The following CENPH variants were observed in gnomAD, a reference collection of about 807,000 sequenced individuals.
The protein encoded by CENPH is CENP-H.
In CENPH, 40 loss-of-function variants were observed where a neutral mutation model predicts 42.9. That is an observed-to-expected ratio of 0.93 (90% confidence interval 0.72 to 1.21). The LOEUF (loss-of-function observed/expected upper bound fraction) is 1.21. CENPH is among the 50% of genes most tolerant of loss of function. CENPH has a pLI of 0.00. For synonymous variants in CENPH, 88 were observed against 96.5 expected (o/e 0.91, Z 0.52); for missense variants, 302 against 292.9 (o/e 1.03, Z -0.23).
intron 2 of CENPH, among the ~76,000 whole-genome samples, chr5:69,194,199 C>T (rs548631211): frequency 9.2e-5 from 14 of 152,014 alleles, no homozygotes; most frequent in South Asian, 4.1e-4. Flanking sequence ...CACTCAGCCA[C>T]CCAGGCTGGA....
At chr5:69,199,790 T>A (rs1421233966) in intron 5 of CENPH, among the ~76,000 whole-genome samples, 1 of 152,086 alleles carries the variant, frequency 6.6e-6, no homozygotes, top group East Asian at 1.9e-4. Flanking sequence ...TGTGGGACAA[T>A]TGGGCCAGTT....
intron 1 of CENPH, among the ~76,000 whole-genome samples, chr5:69,190,484 G>A (rs769959908): frequency 2.0e-5 from 3 of 151,888 alleles, no homozygotes; most frequent in Non-Finnish European, 4.4e-5. Context: ...AGCTAAAACA[G>A]AGACCGTGTG....
chr5:69,191,812 A>G lies in CENPH; in HGVS notation c.152A>G (p.Lys51Arg), dbSNP rs754403403. 6.4e-7 allele frequency: 1 copy of G among 1,554,266 alleles called. No individual in the cohort carries two copies. The highest frequency in any genetic ancestry group is 1.1e-5 in the South Asian group (1 of 89,714). ...TLLLRLRAQT[K>R]QQLLEYKSMV... is the part of the protein sequence containing the mutation. ...GTTTTCAGGCTGAGAGCACAGACAA[A>G]ACAACAACTCTTAGAATATAAATCA... The change falls in exon 2 of 9, where the codon AAA becomes AGA. Residue 51 changes from lysine to arginine, a missense_variant. By Grantham distance (26) the Lys-to-Arg change is conservative. Transcript: ENST00000283006.
chr5:69,203,993 TAG>T (rs201121049), intron 7 of CENPH, among the ~76,000 whole-genome samples: 1 of 121,580 alleles, frequency 8.2e-6, no homozygotes, highest in Admixed American at 9.6e-5. Context: ...TATATATATA[TAG>T]AGAGAGAATT....
At chr5:69,201,635 G>C (rs1331287502) in intron 5 of CENPH, among the ~76,000 whole-genome samples, 1 of 152,156 alleles carries the variant, frequency 6.6e-6, no homozygotes, top group African/African-American at 2.4e-5. Context: ...GAAGAGGGAG[G>C]ATTGCTTCAA....
At chr5:69,207,333 C>T (rs1748176134) in intron 7 of CENPH, among the ~76,000 whole-genome samples, 1 of 151,870 alleles carries the variant, frequency 6.6e-6, no homozygotes, top group East Asian at 2.0e-4. Flanking sequence ...GGATTATAGG[C>T]ACATGTCACC....
chr5:69,199,822 A>G (rs1423426020), intron 5 of CENPH, among the ~76,000 whole-genome samples: 1 of 152,154 alleles, frequency 6.6e-6, no homozygotes, highest in Non-Finnish European at 1.5e-5. Flanking sequence ...ACCAAAAAAC[A>G]GAAGGGTCAG....
Position 69,194,918 on chromosome 5 carries a change from C to CT in CENPH, c.239+241dup, listed in dbSNP as rs869047885. Among the ~76,000 whole-genome samples the CT allele has an allele frequency of 7.3e-3, 997 of 135,994 alleles. 8 individuals carry two copies. Among genetic ancestry groups the CT allele is most frequent in the African/African-American group, 0.015 (569 of 37,330 alleles). The allele number at this position is 135,994 out of a possible 152,430, so 89.2% of individuals were successfully genotyped here. A position where few individuals can be genotyped will look rare whatever the true frequency, so the allele number is the denominator to read the frequency against. On this transcript the variant is annotated intron_variant, in intron 3 of 8. Coordinates refer to ENST00000283006, the MANE Select transcript of CENPH (RefSeq NM_022909.4). The stretch of plus-strand genomic sequence containing the variant: ...CATTGTACCACACCTGACTTTCTTT[C>CT]TTTTTTTTTTTTTTTTTTAAATATT...
In CENPH at chr5:69,191,811, A is replaced by G. The variant is rs1747876198; in HGVS notation, c.151A>G (p.Lys51Glu). 6.4e-7 allele frequency: 1 copy of G among 1,554,566 alleles called. No individual in the cohort carries two copies. ...TLLLRLRAQTKQQLLEYKSMV... is the reference protein window; with the variant it reads ...TLLLRLRAQTEQQLLEYKSMV... ...TGTTTTCAGGCTGAGAGCACAGACA[A>G]AACAACAACTCTTAGAATATAAATC... The change falls in exon 2 of 9, where the codon AAA becomes GAA. Residue 51 changes from lysine to glutamate, a missense_variant. By Grantham distance (56) the Lys-to-Glu change is moderately conservative. Transcript: ENST00000283006.
At chr5:69,197,962 C>G (rs1202988138) in intron 5 of CENPH, among the ~76,000 whole-genome samples, 1 of 135,264 alleles carries the variant, frequency 7.4e-6, no homozygotes, top group African/African-American at 2.8e-5. Flanking sequence ...GCTCTGTCGC[C>G]CAGGCCGGAG....
intron 4 of CENPH, among the ~76,000 whole-genome samples, chr5:69,196,782 G>A (rs1405228502): frequency 6.6e-6 from 1 of 152,182 alleles, no homozygotes; most frequent in Non-Finnish European, 1.5e-5. Flanking sequence ...AGATGGTTCA[G>A]AGAACTCATT....
chr5:69,200,133 A>C (rs1017091134), intron 5 of CENPH, among the ~76,000 whole-genome samples: 29 of 150,924 alleles, frequency 1.9e-4, no homozygotes, highest in Admixed American at 5.3e-4. Flanking sequence ...AAAAAAAAAA[A>C]CAGAAAGGTC....
chr5:69,199,266 C>T (rs1748017259), intron 5 of CENPH, among the ~76,000 whole-genome samples: 1 of 152,174 alleles, frequency 6.6e-6, no homozygotes, highest in Admixed American at 6.5e-5. Context: ...ACCACCTTCA[C>T]CTCCCAGGTT....
In CENPH at chr5:69,189,751, C is replaced by T. The variant is rs1747832586; in HGVS notation, c.117C>T (p.Arg39=). ...CCCAGGCGGCGTGCAGCGAGGACCG[C>T]ATGACCCTGCTCCTCAGGTTGTTCC... ...AGAQAACSED[R]MTLLLRLRAQ... Residue 39 remains arginine (R), a synonymous_variant, in exon 1 of 9, where the codon CGC becomes CGT. Transcript: ENST00000283006. 4 of 1,531,678 alleles carry T rather than the reference C, an allele frequency of 2.6e-6. No individual in the cohort carries two copies. Among genetic ancestry groups the T allele is most frequent in the Non-Finnish European group, 3.5e-6 (4 of 1,142,912 alleles). 94.9% of individuals were successfully genotyped at this position (1,531,678 alleles called of 1,614,324 possible).
intron 1 of CENPH, among the ~76,000 whole-genome samples, chr5:69,190,508 A>G (rs1580221526): frequency 6.6e-6 from 1 of 152,338 alleles, no homozygotes; most frequent in East Asian, 1.9e-4. Flanking sequence ...CACAAACCCT[A>G]AAAAATTTAC....
chr5:69,189,713 C>G lies in CENPH; in HGVS notation c.79C>G (p.Gln27Glu), dbSNP rs756100690. 8 of 1,566,140 alleles carry G rather than the reference C, an allele frequency of 5.1e-6. No homozygotes were observed. Among genetic ancestry groups the G allele is most frequent in the Non-Finnish European group, 6.9e-6 (8 of 1,158,970 alleles). ...GGAAGGCCGGGCAGGCGGGCCACCGCAGGTCGCCGGCGCCCAGGCGGCGTG... is the reference window on the plus strand; with the variant it reads ...GGAAGGCCGGGCAGGCGGGCCACCGGAGGTCGCCGGCGCCCAGGCGGCGTG... ...GGEGRAGGPP[Q>E]VAGAQAACSE... Residue 27 changes from glutamine to glutamate, a missense_variant, in exon 1 of 9, where the codon CAG becomes GAG. By Grantham distance (29) the Gln-to-Glu change is conservative (BLOSUM62 2). Transcript: ENST00000283006.
At chr5:69,198,953 A>C (rs923325488) in intron 5 of CENPH, among the ~76,000 whole-genome samples, 3 of 152,220 alleles carry the variant, frequency 2.0e-5, no homozygotes, top group Middle Eastern at 3.4e-3. Flanking sequence ...AAAAACAAAA[A>C]AAAAAAAGAC....
chr5:69,192,374 T>C (rs1255539322), intron 2 of CENPH, among the ~76,000 whole-genome samples: 1 of 152,192 alleles, frequency 6.6e-6, no homozygotes, highest in Non-Finnish European at 1.5e-5. Context: ...GTTCTCTATA[T>C]AGCTAGTACC....
At chr5:69,194,547 A>G in intron 2 of CENPH, 100 bp from the exon 3 acceptor site, 1 of 628,218 alleles carries the variant, frequency 1.6e-6, no homozygotes, top group Non-Finnish European at 2.8e-6. Context: ...TGAAAACGAC[A>G]TTTTAAATGA....
Sources: gnomAD v4.1 joint callset for allele counts (sites outside exome capture counted in the v4.1 genomes callset) on GRCh38, gnomAD v4.1.1 for gene constraint, MANE v1.5 for transcripts, NCBI Gene and HGNC (gene_info 2026-07-23, HGNC 2026-07-21) for gene names.